The following CSMD2 variants were observed in gnomAD, a reference collection of about 807,000 sequenced individuals.
CSMD2 encodes CUB and Sushi multiple domains 2, also known as CUB and sushi domain-containing protein 2.
Under a neutral mutation model 398.5 loss-of-function variants are expected in CSMD2, and 130 were observed. The observed-to-expected ratio is 0.33, with a 90% confidence interval of 0.28 to 0.38. The LOEUF is 0.38. Among genes scored for constraint, CSMD2 ranks in the 10% least tolerant of loss-of-function variants. The probability of loss-of-function intolerance (pLI) is 1.00; values close to 1 mark genes in which losing one functional copy is unlikely to be tolerated. For synonymous variants in CSMD2, 1,828 were observed against 1,908.5 expected, an observed-to-expected ratio of 0.96 and a Z score of 1.10; for missense variants, 3,829 against 4,764.9, an observed-to-expected ratio of 0.80 and a Z score of 5.78.
At chr1:34,093,734 G>A (rs1022103364) in intron 1 of CSMD2, among the ~76,000 whole-genome samples, 25 of 151,806 alleles carry the variant, frequency 1.6e-4, no homozygotes, top group Non-Finnish European at 3.1e-4. Context: ...AATGAGCAAA[G>A]CCTTCAAGAA....
At chr1:33,763,086 G>A (rs77871882) in intron 13 of CSMD2, among the ~76,000 whole-genome samples, 2,874 of 152,140 alleles carry the variant, frequency 0.019, 37 homozygotes, top group South Asian at 0.03. Flanking sequence ...TGAACACAAC[G>A]TATCACCACA....
At chr1:34,115,129 T>C (rs1402982832) in intron 1 of CSMD2, among the ~76,000 whole-genome samples, 1 of 151,432 alleles carries the variant, frequency 6.6e-6, no homozygotes, top group Non-Finnish European at 1.5e-5. Context: ...GACCAATATG[T>C]GTGTTATGAA....
intron 44 of CSMD2, among the ~76,000 whole-genome samples, chr1:33,591,189 T>G (rs1291078601): frequency 1.3e-5 from 2 of 152,088 alleles, no homozygotes; most frequent in Non-Finnish European, 2.9e-5. Context: ...GGTTTCTCCA[T>G]GTTGGTCAGG....
At chr1:33,785,053 C>G (rs1653350147) in intron 12 of CSMD2, among the ~76,000 whole-genome samples, 1 of 152,212 alleles carries the variant, frequency 6.6e-6, no homozygotes, top group African/African-American at 2.4e-5. Flanking sequence ...TCTCTAAACA[C>G]CCAGACTGTC....
At chr1:33,876,352 C>G (rs1455502647) in intron 5 of CSMD2, among the ~76,000 whole-genome samples, 1 of 152,202 alleles carries the variant, frequency 6.6e-6, no homozygotes, top group Non-Finnish European at 1.5e-5. Context: ...TACTTACTAG[C>G]CATGTGGCCC....
intron 2 of CSMD2, among the ~76,000 whole-genome samples, chr1:34,088,443 C>T (rs1389736282): frequency 6.6e-6 from 1 of 152,146 alleles, no homozygotes; most frequent in Non-Finnish European, 1.5e-5. Context: ...CTCAGGGGTA[C>T]AGGAAGCCAT....
intron 59 of CSMD2, 70 bp downstream of exon 59, chr1:33,541,060 T>C: frequency 6.7e-7 from 1 of 1,485,400 alleles, no homozygotes; most frequent in Non-Finnish European, 9.3e-7. Flanking sequence ...TCTAGAGAGA[T>C]GCTCAGGGCC....
chr1:33,807,476 T>C (rs1038848696), intron 10 of CSMD2, among the ~76,000 whole-genome samples: 4 of 152,156 alleles, frequency 2.6e-5, no homozygotes, highest in Non-Finnish European at 5.9e-5. Flanking sequence ...TTTTAAAGCA[T>C]GTATTTGCAC....
At chr1:33,534,743 T>C (rs1414778561) in intron 62 of CSMD2, among the ~76,000 whole-genome samples, 1 of 152,368 alleles carries the variant, frequency 6.6e-6, no homozygotes, top group East Asian at 1.9e-4. Flanking sequence ...CTTTTTTGTC[T>C]TGGATTTCAT....
At chr1:33,998,264 G>T (rs1646788842) in intron 3 of CSMD2, among the ~76,000 whole-genome samples, 1 of 152,092 alleles carries the variant, frequency 6.6e-6, no homozygotes, top group South Asian at 2.1e-4. Flanking sequence ...ATCTCCTCTG[G>T]ACTCTGCAGA....
chr1:33,782,484 G>T (rs1038921736), intron 12 of CSMD2, among the ~76,000 whole-genome samples: 1 of 152,156 alleles, frequency 6.6e-6, no homozygotes, highest in Non-Finnish European at 1.5e-5. Flanking sequence ...CAGGCTCATT[G>T]ATGGGGAGAG....
chr1:34,046,404 T>G (rs1652519580), intron 2 of CSMD2, among the ~76,000 whole-genome samples: 1 of 152,226 alleles, frequency 6.6e-6, no homozygotes, highest in Non-Finnish European at 1.5e-5. Context: ...CCTAACTACT[T>G]AATAAGTGGA....
intron 2 of CSMD2, among the ~76,000 whole-genome samples, chr1:34,069,593 C>T (rs1164952367): frequency 6.6e-6 from 1 of 152,142 alleles, no homozygotes; most frequent in African/African-American, 2.4e-5. Flanking sequence ...TTTCTGAATT[C>T]CCTAAATTCA....
intron 26 of CSMD2, among the ~76,000 whole-genome samples, chr1:33,658,472 T>C (rs2148987482): frequency 6.6e-6 from 1 of 152,378 alleles, no homozygotes; most frequent in Admixed American, 6.5e-5. Context: ...TGAATTCAGC[T>C]TAAGAATACA....
At chr1:33,694,908 G>A (rs1645366818) in intron 24 of CSMD2, among the ~76,000 whole-genome samples, 1 of 152,208 alleles carries the variant, frequency 6.6e-6, no homozygotes, top group Non-Finnish European at 1.5e-5. Context: ...GGACAGCAGA[G>A]ATCAACAGGA....
At chr1:34,151,886 A>C (rs1640359911) in intron 1 of CSMD2, among the ~76,000 whole-genome samples, 1 of 121,870 alleles carries the variant, frequency 8.2e-6, no homozygotes, top group Admixed American at 1.2e-4. Context: ...TCTGTCACCC[A>C]GGCTGGAGTG....
In CSMD2 at chr1:33,726,629, G is replaced by T; in HGVS notation, c.2425C>A (p.Pro809Thr). 6.2e-7 allele frequency: 1 copy of T among 1,613,566 alleles called. No homozygotes were observed. The change falls in exon 16 of 71, where the codon CCT becomes ACT. Residue 809 changes from proline (P) to threonine (T), a missense_variant. Coordinates refer to ENST00000373381, the MANE Select transcript of CSMD2 (RefSeq NM_001281956.2). ...CTCAAGGCATCCTTGTAGAAGCCAG[G>T]CCAGCCCGGAGAGAGGATGGTGCCG... is the stretch of plus-strand genomic sequence containing the variant. ...PSGTILSPGW[P>T]GFYKDALSCA...
In CSMD2 at chr1:33,628,482, A is replaced by G. The variant is rs563042732; in HGVS notation, c.5201-1901T>C. On this transcript the variant is annotated intron_variant, in intron 32 of 70. Coordinates refer to ENST00000373381, the MANE Select transcript of CSMD2 (RefSeq NM_001281956.2). ...TCAGGAGTTTGTGACCAGCCTGACC[A>G]ACATGGTGAAAATCCATCTCTACTA... Among the ~76,000 whole-genome samples, 359 of 152,222 alleles carry G rather than the reference A, an allele frequency of 2.4e-3. 4 individuals carry two copies. Among genetic ancestry groups the G allele is most frequent in the Non-Finnish European group, 1.9e-3 (130 of 68,006 alleles).
At chr1:33,750,737 T>C (rs1399417385) in intron 13 of CSMD2, among the ~76,000 whole-genome samples, 1 of 152,174 alleles carries the variant, frequency 6.6e-6, no homozygotes, top group African/African-American at 2.4e-5. Context: ...GGTTGATTGA[T>C]CAATACCTGA....
Sources: gnomAD v4.1 joint callset for allele counts (sites outside exome capture counted in the v4.1 genomes callset) on GRCh38, gnomAD v4.1.1 for gene constraint, MANE v1.5 for transcripts, NCBI Gene and HGNC (gene_info 2026-07-23, HGNC 2026-07-21) for gene names.